EXOC6: variants seen among roughly 807,000 people sequenced by gnomAD.
EXOC6 encodes the protein SEC15-like 1.
EXOC6 carries 60 observed loss-of-function variants against 112.5 expected under a neutral mutation model. The ratio of observed to expected loss-of-function variants is 0.53; its 90% CI spans 0.43 to 0.66. EXOC6 has a LOEUF of 0.66. EXOC6 is among the 30% of genes least tolerant of loss of function. The pLI is 0.00. For missense variants in EXOC6, 855 were observed against 957.1 expected (o/e 0.89, Z 1.41); for synonymous variants, 295 against 308.0 (o/e 0.96, Z 0.44).
chr10:92,995,031 G>A (rs1843425423), intron 18 of EXOC6, among the ~76,000 whole-genome samples: 1 of 151,580 alleles, frequency 6.6e-6, no homozygotes, highest in Non-Finnish European at 1.5e-5. Flanking sequence ...TTGATATTGT[G>A]AACTTAAATT....
rs1853164387 is a variant in EXOC6 at position 92,948,363 on chromosome 10, A to T, written c.1400A>T (p.Asp467Val). The T allele has an allele frequency of 6.3e-7, 1 of 1,589,284 alleles. No individual in the cohort carries two copies. Among genetic ancestry groups the T allele is most frequent in the Admixed American group, 1.8e-5 (1 of 57,110 alleles). The change falls in exon 14 of 22, where the codon GAT becomes GTT. Residue 467 changes from aspartate to valine, a missense_variant. This residue lies in a region of EXOC6 where 450 missense variants were observed against 563.5 expected (regional missense o/e 0.80). Transcript: ENST00000260762. ...GTCATCAGCAAATTTCCCTTTCAAG[A>T]TCCAGACCTTGAAAAGGTACAAGCT... ...KIVISKFPFQ[D>V]PDLEKQSFPK...
chr10:93,019,356 ATT>A (rs1328648641), intron 20 of EXOC6, among the ~76,000 whole-genome samples: 3 of 152,114 alleles, frequency 2.0e-5, no homozygotes, highest in Admixed American at 6.6e-5. Context: ...AGCCAAGAAA[ATT>A]TTTTCTTCTA....
At chr10:92,988,368 C>T (rs182273513) in intron 18 of EXOC6, among the ~76,000 whole-genome samples, 112 of 152,150 alleles carry the variant, frequency 7.4e-4, no homozygotes, top group African/African-American at 2.6e-3. Flanking sequence ...TAGGGAAAAA[C>T]AAAATCTTAT....
chr10:92,921,114 G>A (rs1234943684), intron 8 of EXOC6, among the ~76,000 whole-genome samples: 2 of 151,930 alleles, frequency 1.3e-5, no homozygotes, highest in Admixed American at 1.3e-4. Flanking sequence ...TAGGATTTAT[G>A]TCTGCTCTGA....
At chr10:92,898,983 G>A (rs1370504644) in intron 4 of EXOC6, among the ~76,000 whole-genome samples, 1 of 152,078 alleles carries the variant, frequency 6.6e-6, no homozygotes, top group East Asian at 1.9e-4. Flanking sequence ...ATAATTTATT[G>A]AATAATTGCA....
upstream of EXOC6, among the ~76,000 whole-genome samples, chr10:92,848,272 G>A (rs906818087): frequency 6.6e-6 from 1 of 152,146 alleles, no homozygotes; most frequent in Non-Finnish European, 1.5e-5. Context: ...ACGCCCAGGA[G>A]GGACTAGTCG....
chr10:92,937,145 A>G (rs1852387526), intron 12 of EXOC6, among the ~76,000 whole-genome samples: 2 of 152,122 alleles, frequency 1.3e-5, no homozygotes, highest in South Asian at 4.1e-4. Context: ...AATTGATTGC[A>G]TTTTCTTTTC....
chr10:93,001,889 T>G (rs1394280061), intron 19 of EXOC6, among the ~76,000 whole-genome samples: 1 of 152,188 alleles, frequency 6.6e-6, no homozygotes, highest in Non-Finnish European at 1.5e-5. Context: ...GTGATATAGT[T>G]TTAGATCCAA....
At chr10:93,022,300 C>T (rs1221268749) in intron 20 of EXOC6, among the ~76,000 whole-genome samples, 1 of 151,974 alleles carries the variant, frequency 6.6e-6, no homozygotes, top group Non-Finnish European at 1.5e-5. Flanking sequence ...ATTGTGAAAT[C>T]TATGATGATG....
At position 92,955,620 on chromosome 10, in the gene EXOC6, C is replaced by G. The variant is rs1181650731; in HGVS notation, c.1679C>G (p.Ala560Gly). The G allele has an allele frequency of 6.2e-7, 1 of 1,611,334 alleles. No homozygotes were observed. Among genetic ancestry groups the G allele is most frequent in the South Asian group, 1.1e-5 (1 of 90,976 alleles). Residue 560 changes from alanine (A) to glycine (G), a missense_variant, in exon 17 of 22, where the codon GCT (alanine) becomes GGT (glycine). Ala to Gly is a moderately conservative substitution (Grantham distance 60). This residue lies in a region of EXOC6 where 450 missense variants were observed against 563.5 expected (regional missense o/e 0.80). Transcript: ENST00000260762. ...ATAAACACAACACACCTGGAGCAAG[C>G]TTGTAAATATCTTGAGGACTTTATA... is the stretch of plus-strand genomic sequence containing the variant. ...IIINTTHLEQ[A>G]CKYLEDFITN...
At chr10:92,915,701 C>A in intron 6 of EXOC6, 57 bp from the exon 7 acceptor site, 1 of 1,316,168 alleles carries the variant, frequency 7.6e-7, no homozygotes, top group Non-Finnish European at 1.0e-6. Flanking sequence ...ATTTTTTGAA[C>A]CAATTTTGAC....
At chr10:92,975,796 G>T (rs1477297122) in intron 18 of EXOC6, among the ~76,000 whole-genome samples, 1 of 135,896 alleles carries the variant, frequency 7.4e-6, no homozygotes, top group East Asian at 2.3e-4. Flanking sequence ...GAGGTGGGGG[G>T]GTCAGCCCCC....
Position 92,935,796 on chromosome 10 carries a change from GT to G in EXOC6, c.1141-17del, listed in dbSNP as rs1216843863. ...TTGTTGTCGGTGTTTTGTTTTGTTT[GT>G]GTGTTTCCACCCTCAGTCCTATTGC... On this transcript the variant is annotated splice_polypyrimidine_tract_variant and intron_variant, in intron 11 of 21. Coordinates refer to ENST00000260762, the MANE Select transcript of EXOC6 (RefSeq NM_019053.6). 1 of 1,569,738 alleles carries G rather than the reference GT, an allele frequency of 6.4e-7. No individual in the cohort carries two copies. Among genetic ancestry groups the G allele is most frequent in the Admixed American group, 1.7e-5 (1 of 58,454 alleles).
intron 18 of EXOC6, among the ~76,000 whole-genome samples, chr10:92,974,911 C>G (rs1017204340): frequency 2.6e-5 from 4 of 152,202 alleles, no homozygotes; most frequent in African/African-American, 4.8e-5. Flanking sequence ...GCTCTCGGCT[C>G]GCTACAACCT....
At chr10:93,015,163 G>C (rs1844443208) in intron 20 of EXOC6, among the ~76,000 whole-genome samples, 1 of 152,034 alleles carries the variant, frequency 6.6e-6, no homozygotes, top group African/African-American at 2.4e-5. Flanking sequence ...TCCCTTTAGG[G>C]GATAGAGATG....
intron 7 of EXOC6, among the ~76,000 whole-genome samples, chr10:92,917,561 C>G (rs1457028002): frequency 6.9e-6 from 1 of 145,208 alleles, no homozygotes; most frequent in African/African-American, 2.6e-5. Context: ...ATAGGGCTCA[C>G]TGTGTTGCCC....
intron 6 of EXOC6, among the ~76,000 whole-genome samples, chr10:92,913,433 TA>T (rs1273858235): frequency 3.3e-4 from 50 of 152,222 alleles, no homozygotes; most frequent in Non-Finnish European, 5.9e-5. Flanking sequence ...GATACCCTGT[TA>T]CCTTTTACTT....
chr10:93,004,404 T>A (rs1275613241), intron 19 of EXOC6, among the ~76,000 whole-genome samples: 1 of 152,180 alleles, frequency 6.6e-6, no homozygotes, highest in African/African-American at 2.4e-5. Context: ...GAGTTCTACC[T>A]TTGTTGTCAG....
intron 20 of EXOC6, among the ~76,000 whole-genome samples, chr10:93,031,408 C>G (rs953803675): frequency 6.6e-6 from 1 of 151,892 alleles, no homozygotes; most frequent in Admixed American, 6.6e-5. Context: ...TCAACTCTTA[C>G]AGCTTGACTT....
Sources: gnomAD v4.1 joint callset for allele counts (sites outside exome capture counted in the v4.1 genomes callset) on GRCh38, gnomAD v4.1.1 for gene constraint, gnomAD v4.1.1 regional missense constraint, MANE v1.5 for transcripts, NCBI Gene and HGNC (gene_info 2026-07-23, HGNC 2026-07-21) for gene names.